Variants in RPS6KA4 observed in about 807,000 individuals in gnomAD.
RPS6KA4 encodes the protein ribosomal protein S6 kinase alpha-4.
A neutral mutation model predicts 89.6 loss-of-function variants in RPS6KA4; 38 were observed. The observed-to-expected ratio is 0.42, with a 90% CI of 0.33 to 0.56. The LOEUF (loss-of-function observed/expected upper bound fraction) is 0.56. Ranked by LOEUF, RPS6KA4 falls within the 20% of genes least tolerant of loss-of-function variation. The probability of loss-of-function intolerance (pLI) is 0.07; values close to 1 mark genes in which losing one functional copy is unlikely to be tolerated. For missense variants in RPS6KA4, 873 were observed against 1,098.8 expected (o/e 0.79, Z 2.90); for synonymous variants, 495 against 492.8 (o/e 1.00, Z -0.06).
At chr11:64,362,739 C>T (rs1248607582) in intron 8 of RPS6KA4, among the ~76,000 whole-genome samples, 5 of 152,196 alleles carry the variant, frequency 3.3e-5, no homozygotes, top group Non-Finnish European at 5.9e-5. Flanking sequence ...GGCACGATCT[C>T]GGCTCAGTGC....
chr11:64,367,803 A>T (rs979472582), intron 9 of RPS6KA4, among the ~76,000 whole-genome samples: 1 of 152,180 alleles, frequency 6.6e-6, no homozygotes, highest in Non-Finnish European at 1.5e-5. Flanking sequence ...GATTCTCATA[A>T]GCTAAGCGTG....
chr11:64,371,375 C>T lies in RPS6KA4; in HGVS notation c.2214C>T (p.Ala738=), dbSNP rs1316082215. 1.9e-6 allele frequency: 3 copies of T among 1,612,280 alleles called. No individual in the cohort carries two copies. The highest frequency in any genetic ancestry group is 2.5e-6 in the Non-Finnish European group (3 of 1,179,682). Residue 738 remains alanine (A), a synonymous_variant, in exon 17 of 17, where the codon GCC becomes GCT. Coordinates refer to ENST00000334205, the MANE Select transcript of RPS6KA4 (RefSeq NM_003942.3). ...GGCGGAAGCAGAAGCTGCGGAGCGC[C>T]ACCGCCTCCCGCCGGGGCTCCCCTG... ...AKRRKQKLRS[A]TASRRGSPAP... is the part of the protein sequence containing the mutation.
At position 64,361,445 on chromosome 11, in the gene RPS6KA4, A is replaced by G; in HGVS notation, c.571-24A>G. ...GGGCACAGGAGAGGTTTCGACATCT[A>G]AGCAGGACCTCTTGCCCTCCCAGAA... On this transcript the variant is annotated intron_variant, in intron 5 of 16. Coordinates refer to ENST00000334205, the MANE Select transcript of RPS6KA4 (RefSeq NM_003942.3). This position sits in a 1 kb window ranked among gnomAD's most constrained non-coding sequence, Gnocchi z 4.7. 6.2e-7 allele frequency: 1 copy of G among 1,613,346 alleles called. No individual in the cohort carries two copies. Among genetic ancestry groups the G allele is most frequent in the Non-Finnish European group, 8.5e-7 (1 of 1,179,456 alleles).
At position 64,371,421 on chromosome 11, in the gene RPS6KA4, G is replaced by T. The variant is rs773928869; in HGVS notation, c.2260G>T (p.Ala754Ser). Residue 754 changes from alanine to serine, a missense_variant, in exon 17 of 17, where the codon GCC (alanine) becomes TCC (serine). Physicochemically the swap from Ala to Ser is moderately conservative, Grantham distance 99. Transcript: ENST00000334205. ...CCCTGCACCAGCCAACCCGGGCCGA[G>T]CCCCCGTCGCCTCCAAAGGGGCCCC... ...GSPAPANPGR[A>S]PVASKGAPRR... The T allele has an allele frequency of 6.2e-7, 1 of 1,603,502 alleles. No homozygotes were observed. The highest frequency in any genetic ancestry group is 8.5e-7 in the Non-Finnish European group (1 of 1,175,272).
Position 64,370,235 on chromosome 11 carries a change from T to C in RPS6KA4, c.1808T>C (p.Leu603Pro). Residue 603 changes from leucine to proline, a missense_variant, in exon 15 of 17, where the codon CTG becomes CCG. Physicochemically the swap from Leu to Pro is moderately conservative, Grantham distance 98. This residue lies in a region of RPS6KA4 where 278 missense variants were observed against 284.8 expected (regional missense o/e 0.98). Coordinates refer to ENST00000334205, the MANE Select transcript of RPS6KA4 (RefSeq NM_003942.3). The surrounding 1 kb of genome is among the most constrained non-coding windows in gnomAD (Gnocchi z 4.1). The part of the protein sequence containing the change: ...WSLGVILYMM[L>P]SGQVPFQGAS... ...CCCTCACCCTCCTAGTACATGATGCTGTCGGGGCAGGTCCCCTTCCAGGGG... is the reference window on the plus strand; with the variant it reads ...CCCTCACCCTCCTAGTACATGATGCCGTCGGGGCAGGTCCCCTTCCAGGGG... The C allele has an allele frequency of 6.4e-7, 1 of 1,560,314 alleles. No individual in the cohort carries two copies. The highest frequency in any genetic ancestry group is 8.6e-7 in the Non-Finnish European group (1 of 1,160,438).
rs763050103 is a variant in RPS6KA4, at chr11:64,365,453, C to T, written c.1059C>T (p.Pro353=). ...SPPGSPPPGD[P]RIFQGYSFVA... is the part of the protein sequence containing the mutation. Reference sequence around the variant, plus strand: ...CTGGCAGCCCCCCACCTGGGGACCCCCGAATCTTTCAGGTGAGGGGAAACT... The same window carrying T: ...CTGGCAGCCCCCCACCTGGGGACCCTCGAATCTTTCAGGTGAGGGGAAACT... Residue 353 remains proline, a synonymous_variant, in exon 9 of 17, where the codon CCC becomes CCT. Coordinates refer to ENST00000334205, the MANE Select transcript of RPS6KA4 (RefSeq NM_003942.3). The T allele has an allele frequency of 3.7e-6, 6 of 1,613,852 alleles. No individual in the cohort carries two copies. Among genetic ancestry groups the T allele is most frequent in the Non-Finnish European group, 5.1e-6 (6 of 1,179,990 alleles).
chr11:64,371,546 G>A lies in RPS6KA4; in HGVS notation c.*66G>A. The A allele has an allele frequency of 1.5e-6, 1 of 672,990 alleles. No homozygotes were observed. The highest frequency in any genetic ancestry group is 2.7e-5 in the Admixed American group (1 of 36,798). 41.7% of individuals were successfully genotyped at this position (672,990 alleles called of 1,614,324 possible). Reference sequence around the variant, plus strand: ...CCTGGGAGCCCGGCTCACTCCCGGAGGCCTCTGCCTGCGGCTGACCTGATC... The same window carrying A: ...CCTGGGAGCCCGGCTCACTCCCGGAAGCCTCTGCCTGCGGCTGACCTGATC... On this transcript the variant is annotated 3_prime_UTR_variant, in exon 17 of 17. Coordinates refer to ENST00000334205, the MANE Select transcript of RPS6KA4 (RefSeq NM_003942.3).
chr11:64,365,536 C>A, intron 9 of RPS6KA4, 71 bp downstream of exon 9: 1 of 1,549,310 alleles, frequency 6.5e-7, no homozygotes, highest in Non-Finnish European at 8.8e-7. Flanking sequence ...CCCTGGCTGG[C>A]CCGAGGACAC....
Position 64,369,586 on chromosome 11 carries a change from G to A in RPS6KA4, c.1569G>A (p.Glu523=), listed in dbSNP as rs1385389613. The A allele has an allele frequency of 4.4e-6, 7 of 1,605,526 alleles. No homozygotes were observed. Among genetic ancestry groups the A allele is most frequent in the Non-Finnish European group, 5.9e-6 (7 of 1,176,638 alleles). The change falls in exon 13 of 17, where the codon GAG becomes GAA. Residue 523 remains glutamate (E), a synonymous_variant. Coordinates refer to ENST00000334205, the MANE Select transcript of RPS6KA4 (RefSeq NM_003942.3). ...CGGCCGTGAGCTTCATGCACGAGGA[G>A]GCGGGCGTGGTGCACCGCGACCTCA... ...LVSAVSFMHE[E]AGVVHRDLKP...
chr11:64,371,803 A>G lies in RPS6KA4; in HGVS notation c.*323A>G, dbSNP rs1437533589. ...AAGAGCCCCTCCCCCACTTCTAAGC[A>G]CTGAGTTAGGAGTGCTAACTCCTAA... On this transcript the variant is annotated 3_prime_UTR_variant, in exon 17 of 17. Transcript: ENST00000334205. The G allele has an allele frequency of 3.8e-6, 1 of 260,034 alleles. No homozygotes were observed. Among genetic ancestry groups the G allele is most frequent in the East Asian group, 8.7e-5 (1 of 11,446 alleles). 16.1% of individuals were successfully genotyped at this position (260,034 alleles called of 1,614,324 possible).
chr11:64,368,057 T>C, intron 9 of RPS6KA4, 75 bp from the exon 10 acceptor site: 1 of 1,535,320 alleles, frequency 6.5e-7, no homozygotes, highest in Non-Finnish European at 8.9e-7. Flanking sequence ...CTTTGCCTGG[T>C]TCCCCACCAG....
chr11:64,368,353 C>T, intron 10 of RPS6KA4, 93 bp downstream of exon 10: 2 of 1,548,412 alleles, frequency 1.3e-6, no homozygotes, highest in South Asian at 1.2e-5. Context: ...GCGCCCGCAG[C>T]GTGAGCTCAG....
rs1286297752 is a variant in RPS6KA4, at chr11:64,361,749, A to T, written c.755+4A>T. The T allele has an allele frequency of 6.3e-7, 1 of 1,598,692 alleles. No individual in the cohort carries two copies. The highest frequency in any genetic ancestry group is 2.2e-5 in the East Asian group (1 of 44,620). Reference sequence around the variant, plus strand: ...ACACGCAGGCTGAGGTGTCTCGGTGAGTAGGGCTGGACGTGGAGGGCGGCC... The same window carrying T: ...ACACGCAGGCTGAGGTGTCTCGGTGTGTAGGGCTGGACGTGGAGGGCGGCC... On this transcript the variant is annotated splice_donor_region_variant and intron_variant, in intron 7 of 16. Coordinates refer to ENST00000334205, the MANE Select transcript of RPS6KA4 (RefSeq NM_003942.3). The surrounding 1 kb of genome is among the most constrained non-coding windows in gnomAD (Gnocchi z 4.7).
intron 12 of RPS6KA4, 42 bp from the exon 13 acceptor site, chr11:64,369,404 C>T: frequency 2.0e-6 from 3 of 1,519,848 alleles, no homozygotes; most frequent in Non-Finnish European, 2.6e-6. Context: ...GGGCTTGCCG[C>T]CGTGGGTGGG....
In RPS6KA4 at chr11:64,365,369, G is replaced by C. The variant is rs2036853296; in HGVS notation, c.975G>C (p.Glu325Asp). The part of the protein sequence containing the change: ...PAPFRPQIRS[E>D]LDVGNFAEEF... ...CATTCCGGCCCCAAATCCGCTCAGA[G>C]CTGGATGTGGGCAACTTTGCGGAGG... is the stretch of plus-strand genomic sequence containing the variant. Residue 325 changes from glutamate (E) to aspartate (D), a missense_variant, in exon 9 of 17, where the codon GAG becomes GAC. This residue lies in a region of RPS6KA4 where 542 missense variants were observed against 736.4 expected (regional missense o/e 0.74). Transcript: ENST00000334205. 1.9e-6 allele frequency: 3 copies of C among 1,614,134 alleles called. No homozygotes were observed. Among genetic ancestry groups the C allele is most frequent in the Non-Finnish European group, 8.5e-7 (1 of 1,180,028 alleles).
In RPS6KA4 at chr11:64,370,665, C is replaced by A; in HGVS notation, c.2060C>A (p.Thr687Lys). The A allele has an allele frequency of 6.4e-7, 1 of 1,571,344 alleles. No homozygotes were observed. Among genetic ancestry groups the A allele is most frequent in the Non-Finnish European group, 8.6e-7 (1 of 1,165,030 alleles). ...GCGCGCTCCTCGCCCCCGCTCCGGA[C>A]GCCCGACGTGCTCGAGTCCTCTGGG... Reference protein sequence around the residue: ...GSARSSPPLRTPDVLESSGPA... With the variant: ...GSARSSPPLRKPDVLESSGPA... Residue 687 changes from threonine (T) to lysine (K), a missense_variant, in exon 16 of 17, where the codon ACG becomes AAG. Thr to Lys is a moderately conservative substitution (Grantham distance 78, BLOSUM62 -1). Transcript: ENST00000334205. This position sits in a 1 kb window ranked among gnomAD's most constrained non-coding sequence, Gnocchi z 4.1.
chr11:64,368,778 AC>A lies in RPS6KA4; in HGVS notation c.1410del (p.His470GlnfsTer48). The A allele has an allele frequency of 6.4e-7, 1 of 1,569,688 alleles. No homozygotes were observed. The highest frequency in any genetic ancestry group is 8.6e-7 in the Non-Finnish European group (1 of 1,157,626). On this transcript the variant is annotated frameshift_variant, in exon 12 of 17. Transcript: ENST00000334205. LOFTEE classifies it high-confidence loss of function. ...CQSHPNVVNL[H>X]EVHHDQLHTY... ...TCACACCCCAACGTGGTGAATCTGC[AC>A]GAGGTGCATCACGACCAGGTGATGG...
chr11:64,361,668 C>T lies in RPS6KA4; in HGVS notation c.678C>T (p.Ile226=), dbSNP rs1316323707. 7.4e-6 allele frequency: 12 copies of T among 1,612,728 alleles called. No individual in the cohort carries two copies. The highest frequency in any genetic ancestry group is 1.0e-5 in the Non-Finnish European group (12 of 1,179,874). ...CTGTGGACTGGTGGAGCCTGGGCAT[C>T]TTGCTCTTCGAGCTGCTGACGGGGG... ...GKAVDWWSLG[I]LLFELLTGAS... Residue 226 remains isoleucine, a synonymous_variant, in exon 7 of 17, where the codon ATC becomes ATT. Coordinates refer to ENST00000334205, the MANE Select transcript of RPS6KA4 (RefSeq NM_003942.3). The surrounding 1 kb of genome is among the most constrained non-coding windows in gnomAD (Gnocchi z 4.7).
In RPS6KA4 at chr11:64,368,535, C is replaced by T. The variant is rs1320316259; in HGVS notation, c.1268C>T (p.Ser423Phe). The change falls in exon 11 of 17, where the codon TCT becomes TTT. Residue 423 changes from serine (S) to phenylalanine (F), a missense_variant. Physicochemically the swap from Ser to Phe is radical, Grantham distance 155. Around this residue, in one of 4 missense-constraint regions of RPS6KA4, gnomAD observed 542 missense variants for 736.4 expected, o/e 0.74. Transcript: ENST00000334205. The stretch of plus-strand genomic sequence containing the variant: ...CCTGCGCTGGGCCAGGGCAGCTTTT[C>T]TGTGTGTCGCCGCTGCCGCCAGCGC... Reference protein sequence around the residue: ...REPALGQGSFSVCRRCRQRQS... With the variant: ...REPALGQGSFFVCRRCRQRQS... 6.3e-7 allele frequency: 1 copy of T among 1,583,966 alleles called. No homozygotes were observed.
Sources: allele counts gnomAD v4.1 joint callset (sites outside exome capture counted in the v4.1 genomes callset), GRCh38; gene constraint gnomAD v4.1.1; regional missense constraint gnomAD v4.1.1; non-coding constraint Gnocchi (gnomAD v3.1); transcripts MANE v1.5; gene names NCBI Gene and HGNC (gene_info 2026-07-23, HGNC 2026-07-21).